NUDCD3: variants seen among roughly 807,000 people sequenced by gnomAD.
The protein encoded by NUDCD3 is NudC domain containing 3, also known as nudC domain-containing protein 3.
Under a neutral mutation model 39.7 loss-of-function variants are expected in NUDCD3, and 13 were observed. The ratio of observed to expected loss-of-function variants is 0.33; its 90% CI spans 0.21 to 0.52. The LOEUF (loss-of-function observed/expected upper bound fraction) is 0.52. NUDCD3 is among the 20% of genes least tolerant of loss of function. NUDCD3 has a pLI of 0.96. For missense variants in NUDCD3, 453 were observed against 458.1 expected (o/e 0.99, Z 0.10); for synonymous variants, 175 against 172.4 (o/e 1.02, Z -0.12).
intron 4 of NUDCD3, among the ~76,000 whole-genome samples, chr7:44,398,174 A>C (rs893188320): frequency 6.6e-6 from 1 of 152,156 alleles, no homozygotes; most frequent in Non-Finnish European, 1.5e-5. Context: ...TGTCCCACGA[A>C]GGCTGGGAAA....
At chr7:44,403,074 C>T (rs1798753500) in intron 4 of NUDCD3, among the ~76,000 whole-genome samples, 1 of 152,250 alleles carries the variant, frequency 6.6e-6, no homozygotes. Context: ...GGATGAGGAA[C>T]TGAACTGCTG....
chr7:44,461,013 C>A (rs1299564277), intron 2 of NUDCD3, among the ~76,000 whole-genome samples: 1 of 152,212 alleles, frequency 6.6e-6, no homozygotes, highest in Admixed American at 6.5e-5. Context: ...TCCTAGACAA[C>A]AGGCCTAAAA....
In NUDCD3 at chr7:44,468,079, G is replaced by A. The variant is rs190009159; in HGVS notation, c.509+16889C>T. 1.4e-3 allele frequency: 2,188 copies of A among 1,611,930 alleles called. 6 individuals are homozygous for A. Among genetic ancestry groups the A allele is most frequent in the Middle Eastern group, 8.3e-3 (50 of 6,004 alleles). On this transcript the variant is annotated intron_variant, in intron 2 of 5. Transcript: ENST00000355451. ...TCTTGATGCCCAACATTGGTTATGG[G>A]AGCAACAAAAAAACAAAGCACATGC...
chr7:44,409,982 T>C (rs1384821541), intron 3 of NUDCD3, among the ~76,000 whole-genome samples: 1 of 152,028 alleles, frequency 6.6e-6, no homozygotes, highest in East Asian at 1.9e-4. Context: ...CAATTGAGAT[T>C]ACCCAAACTG....
intron 3 of NUDCD3, among the ~76,000 whole-genome samples, chr7:44,423,486 T>C (rs1799177357): frequency 6.6e-6 from 1 of 152,144 alleles, no homozygotes; most frequent in South Asian, 2.1e-4. Context: ...CAAGCAATCC[T>C]ATATACCAAT....
At chr7:44,466,204 TTG>T (rs540575974) in intron 2 of NUDCD3, among the ~76,000 whole-genome samples, 6 of 152,114 alleles carry the variant, frequency 3.9e-5, no homozygotes, top group Non-Finnish European at 8.8e-5. Flanking sequence ...AAGGAAAAAG[TTG>T]AAGAATCCTC....
chr7:44,422,867 C>T (rs1799167609), intron 3 of NUDCD3, among the ~76,000 whole-genome samples: 1 of 152,206 alleles, frequency 6.6e-6, no homozygotes, highest in Non-Finnish European at 1.5e-5. Context: ...GCCAATATCC[C>T]TGATGAACGT....
chr7:44,435,660 T>C (rs1015404216), intron 2 of NUDCD3, among the ~76,000 whole-genome samples: 4 of 152,206 alleles, frequency 2.6e-5, no homozygotes, highest in Non-Finnish European at 4.4e-5. Flanking sequence ...AACATCACTA[T>C]CTTGCACCAT....
chr7:44,429,105 A>T (rs1203169842), intron 2 of NUDCD3, among the ~76,000 whole-genome samples: 1 of 152,144 alleles, frequency 6.6e-6, no homozygotes, highest in Non-Finnish European at 1.5e-5. Flanking sequence ...GAACATATTT[A>T]CCTACTGTGG....
chr7:44,458,080 C>T (rs984634737), intron 2 of NUDCD3, among the ~76,000 whole-genome samples: 8 of 152,078 alleles, frequency 5.3e-5, no homozygotes, highest in Non-Finnish European at 8.8e-5. Context: ...GTCCACCAAC[C>T]GATGAATAAA....
Position 44,443,126 on chromosome 7 carries a change from A to G in NUDCD3, c.510-15423T>C, listed in dbSNP as rs568270662. ...TTTACTTATGCAACCAAGAGAACCT[A>G]TATGGCTGTCATGGGAGCCCTACCT... On this transcript the variant is annotated intron_variant, in intron 2 of 5. Transcript: ENST00000355451. Among the ~76,000 whole-genome samples, 11 of 152,328 alleles carry G rather than the reference A, an allele frequency of 7.2e-5. No individual in the cohort carries two copies. The East Asian group carries it at 2.1e-3, about 29-fold the overall frequency.
At chr7:44,426,571 C>T (rs565534755) in intron 3 of NUDCD3, among the ~76,000 whole-genome samples, 1 of 151,966 alleles carries the variant, frequency 6.6e-6, no homozygotes, top group Non-Finnish European at 1.5e-5. Context: ...CCGAGGCGGG[C>T]GGATCACGAG....
At chr7:44,470,453 A>G (rs1374215892) in intron 2 of NUDCD3, among the ~76,000 whole-genome samples, 1 of 152,242 alleles carries the variant, frequency 6.6e-6, no homozygotes, top group Non-Finnish European at 1.5e-5. Flanking sequence ...CTACACGCCC[A>G]GGCTCGGTTT....
chr7:44,450,398 A>C (rs1799772113), intron 2 of NUDCD3, among the ~76,000 whole-genome samples: 1 of 151,868 alleles, frequency 6.6e-6, no homozygotes. Flanking sequence ...GACTGGTCTC[A>C]AACTCCTGAC....
At chr7:44,451,015 A>G (rs1799785538) in intron 2 of NUDCD3, among the ~76,000 whole-genome samples, 7 of 152,218 alleles carry the variant, frequency 4.6e-5, no homozygotes, top group Admixed American at 4.6e-4. Flanking sequence ...AAGAGTATAT[A>G]CTCTGAATAT....
chr7:44,450,350 G>C (rs1284727559), intron 2 of NUDCD3, among the ~76,000 whole-genome samples: 1 of 151,882 alleles, frequency 6.6e-6, no homozygotes, highest in African/African-American at 2.4e-5. Context: ...GCTAATTTTT[G>C]TATGTTTAGT....
chr7:44,487,682 T>C (rs1800641857), intron 1 of NUDCD3, among the ~76,000 whole-genome samples: 1 of 152,166 alleles, frequency 6.6e-6, no homozygotes, highest in Non-Finnish European at 1.5e-5. Flanking sequence ...CCAGGTGCAG[T>C]AGCTCATGTC....
intron 2 of NUDCD3, among the ~76,000 whole-genome samples, chr7:44,439,121 G>C (rs754977300): frequency 7.9e-5 from 12 of 152,276 alleles, no homozygotes; most frequent in South Asian, 2.1e-4. Context: ...AGTGAGAGCG[G>C]GTGGCCTGGG....
rs1162432009 is a variant in NUDCD3, at chr7:44,485,091, T to C, written c.386A>G (p.Glu129Gly). Residue 129 changes from glutamate (E) to glycine (G), a missense_variant, in exon 2 of 6, where the codon GAA becomes GGA. Physicochemically the swap from Glu to Gly is moderately conservative, Grantham distance 98 (BLOSUM62 -2). Coordinates refer to ENST00000355451, the MANE Select transcript of NUDCD3 (RefSeq NM_015332.4). ...DSTTELDGHQ[E>G]VEKVQPPGPV... is the part of the protein sequence containing the mutation. ...GCCTGGAGGCTGCACTTTCTCTACT[T>C]CCTGATGCCCATCCAATTCTGTGGT... The C allele has an allele frequency of 6.2e-7, 1 of 1,614,178 alleles. No homozygotes were observed. The highest frequency in any genetic ancestry group is 1.7e-5 in the Admixed American group (1 of 60,024).
Sources: allele counts gnomAD v4.1 joint callset (sites outside exome capture counted in the v4.1 genomes callset), GRCh38; gene constraint gnomAD v4.1.1; transcripts MANE v1.5; gene names NCBI Gene and HGNC (gene_info 2026-07-23, HGNC 2026-07-21).